Variants in COL27A1 observed in about 807,000 individuals in gnomAD.
The protein encoded by COL27A1 is collagen alpha-1(XXVII) chain.
In COL27A1, 106 loss-of-function variants were observed where a neutral mutation model predicts 251.3. The observed-to-expected ratio is 0.42, with a 90% CI of 0.36 to 0.50. The LOEUF (loss-of-function observed/expected upper bound fraction) is 0.50. COL27A1 is among the 20% of genes least tolerant of loss of function. COL27A1 has a pLI of 0.00. For synonymous variants in COL27A1, 1,000 were observed against 986.3 expected (o/e 1.01, Z -0.26); for missense variants, 2,325 against 2,522.8 (o/e 0.92, Z 1.68).
chr9:114,253,047 G>C, intron 27 of COL27A1, 115 bp downstream of exon 27: 4 of 834,378 alleles, frequency 4.8e-6, no homozygotes, highest in Non-Finnish European at 7.8e-6. Flanking sequence ...GATCACTTGA[G>C]GCCAGAGTTC....
chr9:114,178,186 CTA>C, intron 3 of COL27A1, 103 bp from the exon 4 acceptor site: 1 of 945,282 alleles, frequency 1.1e-6, no homozygotes, highest in Non-Finnish European at 1.7e-6. Context: ...TAGCCGCGGA[CTA>C]TCCATGCCCA....
intron 10 of COL27A1, among the ~76,000 whole-genome samples, chr9:114,207,093 C>T (rs1588660264): frequency 6.6e-6 from 1 of 152,218 alleles, no homozygotes; most frequent in South Asian, 2.1e-4. Flanking sequence ...GGATGGGGAC[C>T]CAAGTCTTCC....
intron 5 of COL27A1, among the ~76,000 whole-genome samples, chr9:114,188,580 A>G (rs1173347067): frequency 6.6e-6 from 1 of 152,216 alleles, no homozygotes; most frequent in Non-Finnish European, 1.5e-5. Flanking sequence ...TTATATATGT[A>G]TATGTAGACA....
At chr9:114,276,178 A>G (rs1234318965) in intron 37 of COL27A1, among the ~76,000 whole-genome samples, 5 of 152,204 alleles carry the variant, frequency 3.3e-5, no homozygotes, top group Non-Finnish European at 5.9e-5. Flanking sequence ...AGGTATCACC[A>G]TAGACATCAC....
chr9:114,284,652 C>T, intron 40 of COL27A1, 72 bp from the exon 41 acceptor site: 1 of 1,508,302 alleles, frequency 6.6e-7, no homozygotes, highest in Non-Finnish European at 9.2e-7. Flanking sequence ...CCAGTATCCC[C>T]ATCTTGGAGT....
intron 1 of COL27A1, among the ~76,000 whole-genome samples, chr9:114,161,818 C>G (rs1029427771): frequency 6.6e-6 from 1 of 152,206 alleles, no homozygotes; most frequent in African/African-American, 2.4e-5. Flanking sequence ...CCCATCTTGG[C>G]AAAAGCCACA....
chr9:114,286,818 G>A (rs1308391600), intron 41 of COL27A1, among the ~76,000 whole-genome samples: 4 of 152,168 alleles, frequency 2.6e-5, no homozygotes, highest in Admixed American at 6.5e-5. Flanking sequence ...GCTTTGGGCC[G>A]AGATTGCCCC....
Position 114,288,013 on chromosome 9 carries a change from G to A in COL27A1, c.3988-442G>A, listed in dbSNP as rs371233571. Among the ~76,000 whole-genome samples the A allele has an allele frequency of 9.9e-5, 15 of 152,262 alleles. No individual in the cohort carries two copies. In the East Asian group the frequency reaches 1.5e-3, roughly 16 times the overall value. ...TTGGTGTTACTCCCTGCCGGGCGTC[G>A]CGCATCATTCCACGGAGTCCTCACC... On this transcript the variant is annotated intron_variant, in intron 41 of 60. Transcript: ENST00000356083.
chr9:114,264,317 C>T, intron 28 of COL27A1, 38 bp from the exon 29 acceptor site: 1 of 1,529,268 alleles, frequency 6.5e-7, no homozygotes, highest in Non-Finnish European at 8.8e-7. Flanking sequence ...AGGGAGACCC[C>T]TGCTGTCCGG....
At chr9:114,301,555 C>T in intron 54 of COL27A1, 93 bp downstream of exon 54, 1 of 1,541,674 alleles carries the variant, frequency 6.5e-7, no homozygotes. Context: ...CTCCGGACCT[C>T]CGTCATCCCG....
At chr9:114,307,835 C>A in intron 59 of COL27A1, 57 bp downstream of exon 59, 2 of 1,329,968 alleles carry the variant, frequency 1.5e-6, no homozygotes, top group Non-Finnish European at 2.1e-6. Context: ...CCCAGCCTGC[C>A]CTGGGCCACA....
chr9:114,235,970 A>G (rs1010287047), intron 17 of COL27A1, among the ~76,000 whole-genome samples: 1 of 151,984 alleles, frequency 6.6e-6, no homozygotes, highest in African/African-American at 2.4e-5. Context: ...TGCTCTCAGA[A>G]TGACACCCTG....
chr9:114,302,166 A>C, intron 56 of COL27A1, 58 bp downstream of exon 56: 3 of 1,461,208 alleles, frequency 2.1e-6, no homozygotes, highest in Non-Finnish European at 2.9e-6. Context: ...GGTTTGGGGG[A>C]AGAGGCTGCT....
chr9:114,276,932 G>T (rs1835547188), intron 37 of COL27A1, among the ~76,000 whole-genome samples: 1 of 152,226 alleles, frequency 6.6e-6, no homozygotes, highest in Non-Finnish European at 1.5e-5. Context: ...AACCCCTGAG[G>T]ATTGGGAAAA....
At position 114,191,602 on chromosome 9, in the gene COL27A1, C is replaced by T. The variant is rs1448995552; in HGVS notation, c.2017-2802C>T. Among the ~76,000 whole-genome samples, 5 of 152,160 alleles carry T rather than the reference C, an allele frequency of 3.3e-5. No homozygotes were observed. In the South Asian group the frequency reaches 1.0e-3, roughly 32 times the overall value. On this transcript the variant is annotated intron_variant, in intron 5 of 60. Transcript: ENST00000356083. ...CCCTGCAAAGGACGTGATCTCATTC[C>T]TTTTTATGGCTGCATAGTATTCCGT...
At chr9:114,239,089 A>C (rs184825491) in intron 19 of COL27A1, among the ~76,000 whole-genome samples, 4 of 150,384 alleles carry the variant, frequency 2.7e-5, no homozygotes, top group Admixed American at 2.6e-4. Context: ...TGAAGGGGGA[A>C]GCTGATAAGC....
chr9:114,178,949 C>G (rs990385233), intron 4 of COL27A1, among the ~76,000 whole-genome samples: 1 of 152,132 alleles, frequency 6.6e-6, no homozygotes, highest in Non-Finnish European at 1.5e-5. Context: ...ACAGTGAGAT[C>G]ATTCTCATTT....
rs1836090021 is a variant in COL27A1 at position 114,283,891 on chromosome 9, T to C, written c.3933+129T>C. On this transcript the variant is annotated intron_variant, in intron 40 of 60. Transcript: ENST00000356083. Reference sequence around the variant, plus strand: ...CCCCTGGAATACTGAAGATGTGGGGTCTCACCTGCCCCAGGGAGCGCTGGG... The same window carrying C: ...CCCCTGGAATACTGAAGATGTGGGGCCTCACCTGCCCCAGGGAGCGCTGGG... The C allele has an allele frequency of 1.8e-5, 16 of 914,064 alleles. No homozygotes were observed. In the South Asian group the frequency reaches 2.4e-4, roughly 14 times the overall value. The allele number at this position is 914,064 out of a possible 1,614,324, so 56.6% of individuals were successfully genotyped here.
At chr9:114,252,970 T>C (rs375328235) in intron 27 of COL27A1, 38 bp downstream of exon 27, 139 of 1,566,432 alleles carry the variant, frequency 8.9e-5, no homozygotes, top group Non-Finnish European at 1.0e-4. Flanking sequence ...CTCAAACCAC[T>C]GTCAGATAAG....
Sources: gnomAD v4.1 joint callset for allele counts (sites outside exome capture counted in the v4.1 genomes callset) on GRCh38, gnomAD v4.1.1 for gene constraint, MANE v1.5 for transcripts, NCBI Gene and HGNC (gene_info 2026-07-23, HGNC 2026-07-21) for gene names.